The following DPP10 variants were observed in gnomAD, a reference collection of about 807,000 sequenced individuals.
DPP10 encodes inactive dipeptidyl peptidase 10.
Under a neutral mutation model 120.9 loss-of-function variants are expected in DPP10, and 33 were observed. The observed-to-expected ratio is 0.27, with a 90% CI of 0.21 to 0.37. The LOEUF is 0.37. DPP10 is among the 10% of genes least tolerant of loss of function. The pLI, the probability that DPP10 is intolerant of heterozygous loss-of-function variation, is 1.00. For missense variants in DPP10, 816 were observed against 942.8 expected, an observed-to-expected ratio of 0.87 and a Z score of 1.76; for synonymous variants, 337 against 326.1, an observed-to-expected ratio of 1.03 and a Z score of -0.36.
chr2:114,532,296 T>TATATATATATATACAC (rs1342125338), intron 1 of DPP10, among the ~76,000 whole-genome samples: 21 of 74,748 alleles, frequency 2.8e-4, no homozygotes, highest in East Asian at 4.5e-4. Context: ...TATATATATA[T>TATATATATATATACAC]ACACACACAC....
chr2:114,853,862 A>C (rs1402130272), intron 1 of DPP10, among the ~76,000 whole-genome samples: 2 of 152,068 alleles, frequency 1.3e-5, no homozygotes, highest in Non-Finnish European at 2.9e-5. Flanking sequence ...TGGTTGTGAA[A>C]CCATGTGACT....
intron 1 of DPP10, among the ~76,000 whole-genome samples, chr2:114,554,953 G>A (rs1688169916): frequency 1.3e-5 from 2 of 152,206 alleles, no homozygotes; most frequent in South Asian, 4.1e-4. Flanking sequence ...AGCACAAGCA[G>A]TGTCCACGGG....
intron 5 of DPP10, among the ~76,000 whole-genome samples, chr2:115,554,773 C>T (rs1413138650): frequency 6.6e-6 from 1 of 152,090 alleles, no homozygotes; most frequent in Non-Finnish European, 1.5e-5. Flanking sequence ...TAATATCTTT[C>T]CATGACAAAA....
chr2:115,377,350 G>C (rs1239659019), intron 3 of DPP10, among the ~76,000 whole-genome samples: 17 of 152,090 alleles, frequency 1.1e-4, no homozygotes, highest in East Asian at 1.9e-4. Flanking sequence ...TAAATGTCTT[G>C]TTTTGAGAAG....
chr2:115,400,604 A>T (rs988735717), intron 3 of DPP10, among the ~76,000 whole-genome samples: 1 of 152,218 alleles, frequency 6.6e-6, no homozygotes, highest in African/African-American at 2.4e-5. Context: ...TTACATTCAG[A>T]TAAACCCACT....
At chr2:115,562,354 C>G (rs2080742754) in intron 5 of DPP10, among the ~76,000 whole-genome samples, 1 of 152,144 alleles carries the variant, frequency 6.6e-6, no homozygotes, top group African/African-American at 2.4e-5. Context: ...CCTTGTCTTA[C>G]TTGTCTCCAA....
intron 1 of DPP10, among the ~76,000 whole-genome samples, chr2:114,443,899 T>C (rs1294155312): frequency 6.6e-6 from 1 of 152,160 alleles, no homozygotes; most frequent in Non-Finnish European, 1.5e-5. Flanking sequence ...AAAAGGAATA[T>C]AATTTTCAAC....
intron 1 of DPP10, among the ~76,000 whole-genome samples, chr2:114,934,058 A>C (rs1248523044): frequency 6.6e-6 from 1 of 152,198 alleles, no homozygotes; most frequent in Non-Finnish European, 1.5e-5. Flanking sequence ...TTCACCATTA[A>C]AATGTAGGGA....
At chr2:114,452,177 A>G (rs1158671150) in intron 1 of DPP10, among the ~76,000 whole-genome samples, 1 of 152,154 alleles carries the variant, frequency 6.6e-6, no homozygotes, top group Non-Finnish European at 1.5e-5. Context: ...CATTATTTCA[A>G]CAATGCCTAG....
intron 1 of DPP10, among the ~76,000 whole-genome samples, chr2:114,500,092 G>A (rs6725100): frequency 0.12 from 18,162 of 152,112 alleles, 2,534 homozygotes; most frequent in African/African-American, 0.34. Flanking sequence ...CATTTCTATC[G>A]TGGCACATTT....
rs1032502904 is a variant in DPP10, at chr2:114,509,028, G to A, written c.60+66190G>A. On this transcript the variant is annotated intron_variant, in intron 1 of 25. Coordinates refer to ENST00000410059, the MANE Select transcript of DPP10 (RefSeq NM_020868.6). ...AGCGAGAGTGAGAAAGAGAGAGAGA[G>A]AGAGAGAAAGAGAGAGAGAGTGAAA... 2.0e-5 allele frequency among the ~76,000 whole-genome samples: 3 copies of A among 152,138 alleles called. No homozygotes were observed. In the South Asian group the frequency reaches 6.2e-4, roughly 32 times the overall value.
At chr2:115,465,435 TACAC>T (rs1245195666) in intron 3 of DPP10, among the ~76,000 whole-genome samples, 2 of 152,206 alleles carry the variant, frequency 1.3e-5, no homozygotes, top group Non-Finnish European at 2.9e-5. Flanking sequence ...GTCAAAGTAT[TACAC>T]ACAGAATATG....
At chr2:114,514,933 G>A (rs1684468524) in intron 1 of DPP10, among the ~76,000 whole-genome samples, 1 of 152,094 alleles carries the variant, frequency 6.6e-6, no homozygotes, top group African/African-American at 2.4e-5. Flanking sequence ...CATACTCAGA[G>A]CATTCACTTG....
At chr2:115,403,502 C>T (rs75249190) in intron 3 of DPP10, among the ~76,000 whole-genome samples, 2 of 149,754 alleles carry the variant, frequency 1.3e-5, no homozygotes, top group South Asian at 2.1e-4. Context: ...CAGGTTCCAG[C>T]GATTCTCCTG....
At chr2:115,535,626 G>T (rs1350534331) in intron 5 of DPP10, among the ~76,000 whole-genome samples, 1 of 150,286 alleles carries the variant, frequency 6.7e-6, no homozygotes, top group Non-Finnish European at 1.5e-5. Flanking sequence ...GAACTTTAAA[G>T]TAGTTTTTTC....
chr2:114,814,190 T>C (rs1282581570), intron 1 of DPP10, among the ~76,000 whole-genome samples: 2 of 152,172 alleles, frequency 1.3e-5, no homozygotes, highest in Non-Finnish European at 2.9e-5. Flanking sequence ...TTGATACCAA[T>C]TAAAAGTAAG....
At chr2:115,045,264 T>C (rs533686522) in intron 1 of DPP10, among the ~76,000 whole-genome samples, 21 of 152,310 alleles carry the variant, frequency 1.4e-4, no homozygotes, top group Middle Eastern at 3.4e-3. Context: ...ACTGATATAT[T>C]GATATATTGT....
At chr2:115,721,371 C>A (rs2149610851) in intron 7 of DPP10, among the ~76,000 whole-genome samples, 1 of 152,294 alleles carries the variant, frequency 6.6e-6, no homozygotes, top group African/African-American at 2.4e-5. Flanking sequence ...ATCTAGCCTT[C>A]AAGCTGCCCT....
intron 1 of DPP10, among the ~76,000 whole-genome samples, chr2:114,611,157 C>A (rs1426456930): frequency 1.3e-5 from 2 of 151,974 alleles, no homozygotes; most frequent in East Asian, 3.9e-4. Flanking sequence ...GTTCAGGCAC[C>A]AAGCAGAAAT....
Sources: allele counts gnomAD v4.1 joint callset (sites outside exome capture counted in the v4.1 genomes callset), GRCh38; gene constraint gnomAD v4.1.1; transcripts MANE v1.5; gene names NCBI Gene and HGNC (gene_info 2026-07-23, HGNC 2026-07-21).